The following ROR2 variants were observed in gnomAD, a reference collection of about 807,000 sequenced individuals.
ROR2 encodes tyrosine-protein kinase transmembrane receptor ROR2.
Under a neutral mutation model 74.9 loss-of-function variants are expected in ROR2, and 33 were observed. That is an observed-to-expected ratio of 0.44 (90% confidence interval 0.33 to 0.59). ROR2 has a LOEUF of 0.59. Among genes scored for constraint, ROR2 ranks in the 20% least tolerant of loss-of-function variants. The pLI is 0.02. For synonymous variants in ROR2, 586 were observed against 558.7 expected (o/e 1.05, Z -0.69); for missense variants, 1,216 against 1,313.8 (o/e 0.93, Z 1.15).
intron 1 of ROR2, among the ~76,000 whole-genome samples, chr9:91,784,199 G>A (rs1826719476): frequency 6.6e-6 from 1 of 152,148 alleles, no homozygotes; most frequent in Non-Finnish European, 1.5e-5. Flanking sequence ...CCCAGCTAAG[G>A]CCACAAGGCT....
intron 6 of ROR2, among the ~76,000 whole-genome samples, chr9:91,731,914 CA>C (rs913937819): frequency 1.3e-5 from 2 of 151,934 alleles, no homozygotes; most frequent in Non-Finnish European, 1.5e-5. Flanking sequence ...GACTCTGTCT[CA>C]AAAAAACAAA....
chr9:91,755,100 A>G (rs1233764311), intron 4 of ROR2, among the ~76,000 whole-genome samples: 1 of 152,176 alleles, frequency 6.6e-6, no homozygotes, highest in Non-Finnish European at 1.5e-5. Flanking sequence ...GACTACAGTA[A>G]GCTGTGATCG....
intron 1 of ROR2, among the ~76,000 whole-genome samples, chr9:91,809,002 CAAA>C (rs59202463): frequency 7.2e-6 from 1 of 138,934 alleles, no homozygotes; most frequent in Non-Finnish European, 1.6e-5. Flanking sequence ...GACTCCATCT[CAAA>C]AAAAAAAAAG....
intron 1 of ROR2, among the ~76,000 whole-genome samples, chr9:91,820,602 T>C (rs1343573307): frequency 6.6e-6 from 1 of 151,754 alleles, no homozygotes; most frequent in African/African-American, 2.4e-5. Flanking sequence ...TGCGCAATGC[T>C]GTTTCACAGT....
intron 1 of ROR2, among the ~76,000 whole-genome samples, chr9:91,778,267 A>G (rs1442010487): frequency 1.3e-5 from 2 of 152,236 alleles, no homozygotes; most frequent in Admixed American, 6.5e-5. Flanking sequence ...GTGCTTCTGC[A>G]CCTAATGGGC....
At chr9:91,931,449 G>A (rs562605578) in intron 1 of ROR2, among the ~76,000 whole-genome samples, 2 of 152,232 alleles carry the variant, frequency 1.3e-5, no homozygotes, top group South Asian at 4.2e-4. Context: ...CAGAGAAACA[G>A]ACCAAAATAA....
intron 1 of ROR2, among the ~76,000 whole-genome samples, chr9:91,941,843 T>A (rs999671756): frequency 6.9e-6 from 1 of 145,328 alleles, no homozygotes; most frequent in African/African-American, 2.6e-5. Flanking sequence ...CAGACTGGAG[T>A]GTAGTGGCAC....
rs776683439 is a variant in ROR2 at position 91,733,125 on chromosome 9, G to A, written c.934C>T (p.Arg312Cys). 31 of 1,592,524 alleles carry A rather than the reference G, an allele frequency of 1.9e-5. No homozygotes were observed. Among genetic ancestry groups the A allele is most frequent in the African/African-American group, 5.4e-5 (4 of 74,678 alleles). Residue 312 changes from arginine to cysteine, a missense_variant, in exon 6 of 9, where the codon CGC (arginine) becomes TGC (cysteine). Coordinates refer to ENST00000375708, the MANE Select transcript of ROR2 (RefSeq NM_004560.4). The surrounding 1 kb of genome is among the most constrained non-coding windows in gnomAD (Gnocchi z 5.7). ...RIGIPAERLG[R>C]YHQCYNGSGM... ...CCCCGGGCCCTCGGGCACTCACAGC[G>A]GCCCAGCCTCTCGGCTGGGATGCCA...
At chr9:91,765,097 A>T (rs1345235163) in intron 2 of ROR2, among the ~76,000 whole-genome samples, 1 of 152,124 alleles carries the variant, frequency 6.6e-6, no homozygotes, top group African/African-American at 2.4e-5. Context: ...AATTCTATAA[A>T]ACCTCTATCA....
chr9:91,921,594 T>C (rs887465444), intron 1 of ROR2, among the ~76,000 whole-genome samples: 3 of 152,138 alleles, frequency 2.0e-5, no homozygotes, highest in Admixed American at 6.5e-5. Context: ...CCGGGTGTGG[T>C]AGCTCACGCC....
intron 1 of ROR2, among the ~76,000 whole-genome samples, chr9:91,831,964 G>C (rs142413947): frequency 1.3e-5 from 2 of 152,178 alleles, no homozygotes; most frequent in Non-Finnish European, 2.9e-5. Context: ...GTCCAAGTCA[G>C]AGAGCCCCAG....
intron 4 of ROR2, among the ~76,000 whole-genome samples, chr9:91,747,496 C>T (rs1187221118): frequency 6.6e-6 from 1 of 152,228 alleles, no homozygotes; most frequent in African/African-American, 2.4e-5. Context: ...GCACACAGGG[C>T]TAAGCCAAGG....
chr9:91,767,026 G>C (rs1210475287), intron 2 of ROR2, among the ~76,000 whole-genome samples: 7 of 151,852 alleles, frequency 4.6e-5, no homozygotes, highest in Non-Finnish European at 7.4e-5. Context: ...CAAAGTAACA[G>C]AGGAATCCCC....
chr9:91,759,938 G>A (rs984702009), intron 2 of ROR2, among the ~76,000 whole-genome samples: 25 of 152,206 alleles, frequency 1.6e-4, no homozygotes, highest in Non-Finnish European at 2.9e-5. Flanking sequence ...GTCTCCCCAA[G>A]TAGGTGAGTA....
chr9:91,767,439 T>C (rs373428610), intron 2 of ROR2, among the ~76,000 whole-genome samples: 1 of 152,224 alleles, frequency 6.6e-6, no homozygotes, highest in Non-Finnish European at 1.5e-5. Context: ...TACTTAGGCA[T>C]TGAGGATCTG....
chr9:91,815,387 A>G (rs776308241), intron 1 of ROR2, among the ~76,000 whole-genome samples: 5 of 152,224 alleles, frequency 3.3e-5, no homozygotes, highest in Non-Finnish European at 5.9e-5. Flanking sequence ...CATTCATAAT[A>G]AAAGTTGTCA....
intron 1 of ROR2, among the ~76,000 whole-genome samples, chr9:91,931,929 T>C (rs968916590): frequency 6.6e-6 from 1 of 152,150 alleles, no homozygotes; most frequent in Non-Finnish European, 1.5e-5. Flanking sequence ...GCCAATAAAG[T>C]TCTGGGAACA....
intron 1 of ROR2, among the ~76,000 whole-genome samples, chr9:91,833,653 C>T (rs1270451811): frequency 3.3e-5 from 5 of 152,282 alleles, no homozygotes; most frequent in South Asian, 2.1e-4. Context: ...CCTGCATGCC[C>T]GCCTCGAGCT....
At chr9:91,756,317 G>C (rs1263798991) in intron 3 of ROR2, among the ~76,000 whole-genome samples, 1 of 152,134 alleles carries the variant, frequency 6.6e-6, no homozygotes, top group Non-Finnish European at 1.5e-5. Context: ...CTTTGTTTTT[G>C]GAGTTTTTGC....
Sources: allele counts gnomAD v4.1 joint callset (sites outside exome capture counted in the v4.1 genomes callset), GRCh38; gene constraint gnomAD v4.1.1; non-coding constraint Gnocchi (gnomAD v3.1); transcripts MANE v1.5; gene names NCBI Gene and HGNC (gene_info 2026-07-23, HGNC 2026-07-21).